Variants in SLCO3A1 observed in about 807,000 individuals in gnomAD.
SLCO3A1 encodes the protein PGE1 transporter.
In SLCO3A1, 27 loss-of-function variants were observed where a neutral mutation model predicts 63.1. The observed-to-expected ratio is 0.43, with a 90% CI of 0.32 to 0.59. The LOEUF (loss-of-function observed/expected upper bound fraction) is 0.59, where lower values mean the gene tolerates loss of function less well. SLCO3A1 is among the 20% of genes least tolerant of loss of function. The pLI is 0.09. For synonymous variants in SLCO3A1, 473 were observed against 409.9 expected, an observed-to-expected ratio of 1.15 and a Z score of -1.86; for missense variants, 773 against 945.8, an observed-to-expected ratio of 0.82 and a Z score of 2.40.
rs1249477470 is a variant in SLCO3A1, at chr15:92,036,350, T to G, written c.647-58531T>G. On this transcript the variant is annotated intron_variant, in intron 2 of 9. Transcript: ENST00000318445. ...TGAATTTGGTATCTGAAAAACCTTC[T>G]GAGGTTTTCTTTTTTTTTTTTTTTT... Among the ~76,000 whole-genome samples, 29 of 119,324 alleles carry G rather than the reference T, an allele frequency of 2.4e-4. No homozygotes were observed. The Admixed American group carries it at 2.7e-3, about 11-fold the overall frequency. 78.3% of individuals were successfully genotyped at this position (119,324 alleles called of 152,430 possible). A position where few individuals can be genotyped will look rare whatever the true frequency, so the allele number is the denominator to read the frequency against.
chr15:92,014,343 A>T (rs2046401748), intron 2 of SLCO3A1, among the ~76,000 whole-genome samples: 1 of 152,134 alleles, frequency 6.6e-6, no homozygotes, highest in South Asian at 2.1e-4. Context: ...GCAGAGAGGC[A>T]AAGAAAGAGC....
chr15:91,911,634 AT>A (rs913568220), intron 1 of SLCO3A1, among the ~76,000 whole-genome samples: 10 of 150,266 alleles, frequency 6.7e-5, no homozygotes, highest in East Asian at 1.9e-4. Flanking sequence ...AGATATTTAG[AT>A]TTTTTTTTTG....
rs1035355538 is a variant in SLCO3A1, at chr15:92,128,383, C to T, written c.1406C>T (p.Ser469Leu). 6.2e-6 allele frequency: 10 copies of T among 1,614,030 alleles called. No individual in the cohort carries two copies. Among genetic ancestry groups the T allele is most frequent in the East Asian group, 2.2e-5 (1 of 44,894 alleles). The stretch of plus-strand genomic sequence containing the variant: ...CCTGGCTCAGCCCTGGACCCCTACT[C>T]GCCCTGCAATAATAACTGTGAATGC... ...TAPGSALDPY[S>L]PCNNNCECQT... The change falls in exon 7 of 10, where the codon TCG becomes TTG. Residue 469 changes from serine (S) to leucine (L), a missense_variant. Ser to Leu is a moderately radical substitution (Grantham distance 145). Coordinates refer to ENST00000318445, the MANE Select transcript of SLCO3A1 (RefSeq NM_013272.4).
intron 4 of SLCO3A1, among the ~76,000 whole-genome samples, chr15:92,119,238 G>C (rs559743684): frequency 6.6e-6 from 1 of 152,148 alleles, no homozygotes; most frequent in Admixed American, 6.5e-5. Flanking sequence ...GTTTTCAAAG[G>C]ATTTTTAAAA....
intron 2 of SLCO3A1, among the ~76,000 whole-genome samples, chr15:92,026,197 G>A (rs1034445347): frequency 6.6e-6 from 1 of 152,096 alleles, no homozygotes; most frequent in African/African-American, 2.4e-5. Context: ...GTTAGGAAAG[G>A]CAAGCAGAGG....
intron 3 of SLCO3A1, among the ~76,000 whole-genome samples, chr15:92,098,963 C>G (rs549119694): frequency 6.6e-6 from 1 of 152,182 alleles, no homozygotes; most frequent in Non-Finnish European, 1.5e-5. Context: ...GGGATTCATC[C>G]CCAGGCCTGT....
At chr15:91,884,373 G>A (rs1399929650) in intron 1 of SLCO3A1, among the ~76,000 whole-genome samples, 1 of 152,086 alleles carries the variant, frequency 6.6e-6, no homozygotes, top group Admixed American at 6.5e-5. Flanking sequence ...TTAGCCAGAT[G>A]TGGTGGGCAG....
chr15:91,997,061 G>A (rs140718936), intron 2 of SLCO3A1, among the ~76,000 whole-genome samples: 2 of 152,164 alleles, frequency 1.3e-5, no homozygotes, highest in African/African-American at 2.4e-5. Flanking sequence ...AAGTCCAGCT[G>A]TCTCTCTTCA....
intron 8 of SLCO3A1, chr15:92,149,011 C>T (rs190262527): frequency 5.9e-5 from 9 of 152,206 alleles, no homozygotes; most frequent in East Asian, 3.9e-4. Context: ...CATTATTAGA[C>T]GTTTTCGTGA....
chr15:91,900,703 C>T lies in SLCO3A1; in HGVS notation c.181-15290C>T, dbSNP rs1008952624. On this transcript the variant is annotated intron_variant, in intron 1 of 9. Transcript: ENST00000318445. The surrounding 1 kb of genome is among the most constrained non-coding windows in gnomAD (Gnocchi z 4.3). ...CATTGTGACATTTTATTTGCATTTC[C>T]CTAAAGACTAATAATGCTAAGCATC... Among the ~76,000 whole-genome samples the T allele has an allele frequency of 6.6e-6, 1 of 152,104 alleles. No individual in the cohort carries two copies. Among genetic ancestry groups the T allele is most frequent in the African/African-American group, 2.4e-5 (1 of 41,398 alleles).
At chr15:91,949,577 T>C (rs1899927796) in intron 2 of SLCO3A1, among the ~76,000 whole-genome samples, 1 of 151,386 alleles carries the variant, frequency 6.6e-6, no homozygotes, top group Admixed American at 6.6e-5. Context: ...TTGCAATGAG[T>C]TGAGATCGTG....
In SLCO3A1 at chr15:92,163,424, G is replaced by T; in HGVS notation, c.*289G>T. The T allele has an allele frequency of 9.3e-7, 1 of 1,076,246 alleles. No individual in the cohort carries two copies. The highest frequency in any genetic ancestry group is 1.1e-6 in the Non-Finnish European group (1 of 889,964). 66.7% of individuals were successfully genotyped at this position (1,076,246 alleles called of 1,614,324 possible). Reference sequence around the variant, plus strand: ...CCTCATGGTTTTCAGGATGCTGACAGCTGCAAGCAACAGGCACTGCCAAAT... The same window carrying T: ...CCTCATGGTTTTCAGGATGCTGACATCTGCAAGCAACAGGCACTGCCAAAT... On this transcript the variant is annotated 3_prime_UTR_variant, in exon 10 of 10. Coordinates refer to ENST00000318445, the MANE Select transcript of SLCO3A1 (RefSeq NM_013272.4).
intron 2 of SLCO3A1, among the ~76,000 whole-genome samples, chr15:91,984,264 A>G (rs571356982): frequency 2.6e-4 from 39 of 152,306 alleles, no homozygotes; most frequent in African/African-American, 8.2e-4. Context: ...CTATTACTCA[A>G]GGTTTGAAGG....
intron 2 of SLCO3A1, among the ~76,000 whole-genome samples, chr15:92,055,109 A>G (rs1179055264): frequency 2.0e-5 from 3 of 152,166 alleles, no homozygotes; most frequent in Non-Finnish European, 4.4e-5. Flanking sequence ...CCTTGCCAGC[A>G]TTTATTATTT....
intron 1 of SLCO3A1, among the ~76,000 whole-genome samples, chr15:91,887,795 G>A (rs982360338): frequency 2.0e-5 from 3 of 152,176 alleles, no homozygotes; most frequent in African/African-American, 7.2e-5. Context: ...GGCTAGCTGT[G>A]TGCCCTTGGA....
At chr15:92,091,609 C>T (rs1027284955) in intron 2 of SLCO3A1, among the ~76,000 whole-genome samples, 3 of 152,152 alleles carry the variant, frequency 2.0e-5, no homozygotes, top group South Asian at 2.1e-4. Flanking sequence ...AGGCACTTCC[C>T]GATGCACGAA....
chr15:92,087,570 G>A (rs541785457), intron 2 of SLCO3A1, among the ~76,000 whole-genome samples: 1 of 146,090 alleles, frequency 6.8e-6, no homozygotes, highest in Non-Finnish European at 1.5e-5. Flanking sequence ...TCAGGCTGGA[G>A]TGCAATGGCG....
intron 2 of SLCO3A1, among the ~76,000 whole-genome samples, chr15:92,052,599 C>T (rs576059411): frequency 6.6e-6 from 1 of 152,248 alleles, no homozygotes; most frequent in Non-Finnish European, 1.5e-5. Flanking sequence ...GCCACATATA[C>T]ACAGGATTCA....
At chr15:92,042,496 A>C (rs1325782778) in intron 2 of SLCO3A1, among the ~76,000 whole-genome samples, 1 of 152,200 alleles carries the variant, frequency 6.6e-6, no homozygotes, top group Non-Finnish European at 1.5e-5. Context: ...TGAACACTTA[A>C]GAGCATTGTG....
Sources: gnomAD v4.1 joint callset for allele counts (sites outside exome capture counted in the v4.1 genomes callset) on GRCh38, gnomAD v4.1.1 for gene constraint, Gnocchi (gnomAD v3.1) non-coding constraint, MANE v1.5 for transcripts, NCBI Gene and HGNC (gene_info 2026-07-23, HGNC 2026-07-21) for gene names.